Variants in VWA5A observed in about 807,000 individuals in gnomAD.
The protein encoded by VWA5A is von Willebrand factor A domain-containing protein 5A.
VWA5A carries 77 observed loss-of-function variants against 84.6 expected under a neutral mutation model. The observed-to-expected ratio is 0.91, with a 90% CI of 0.76 to 1.10. VWA5A has a LOEUF of 1.10. VWA5A is among the 50% of genes least tolerant of loss of function. The probability of loss-of-function intolerance (pLI) is 0.00; values close to 1 mark genes in which losing one functional copy is unlikely to be tolerated. For synonymous variants in VWA5A, 334 were observed against 350.1 expected (o/e 0.95, Z 0.51); for missense variants, 973 against 963.0 (o/e 1.01, Z -0.14).
chr11:124,123,943 A>T (rs1186789931), intron 10 of VWA5A, 139 bp downstream of exon 10: 2 of 1,267,854 alleles, frequency 1.6e-6, no homozygotes, highest in African/African-American at 3.0e-5. Context: ...AGAAAAAAAA[A>T]AGATGATGCA....
At chr11:124,120,318 G>A (rs1305136305) in intron 7 of VWA5A, among the ~76,000 whole-genome samples, 1 of 152,180 alleles carries the variant, frequency 6.6e-6, no homozygotes, top group Non-Finnish European at 1.5e-5. Context: ...GGGCTGCCAT[G>A]CTTCTGAGTT....
At chr11:124,117,382 C>A in intron 2 of VWA5A, 115 bp from the exon 3 acceptor site, 2 of 1,060,066 alleles carry the variant, frequency 1.9e-6, no homozygotes, top group Non-Finnish European at 2.9e-6. Context: ...AACTTCCTAA[C>A]TCCAACATTA....
chr11:124,137,086 C>A lies in VWA5A; in HGVS notation c.1697C>A (p.Ala566Glu), dbSNP rs1860621427. 1 of 1,613,470 alleles carries A rather than the reference C, an allele frequency of 6.2e-7. No homozygotes were observed. The highest frequency in any genetic ancestry group is 8.5e-7 in the Non-Finnish European group (1 of 1,179,948). ...TKDMGLRETP[A>E]SDKKDALNLS... ...GACATGGGCCTCAGGGAGACTCCAG[C>A]AAGTGATAAAAAAGATGCATTGAAC... is the stretch of plus-strand genomic sequence containing the variant. Residue 566 changes from alanine (A) to glutamate (E), a missense_variant, in exon 15 of 19, where the codon GCA becomes GAA. Physicochemically the swap from Ala to Glu is moderately radical, Grantham distance 107 (BLOSUM62 -1). Coordinates refer to ENST00000456829, the MANE Select transcript of VWA5A (RefSeq NM_001130142.2).
intron 4 of VWA5A, 85 bp from the exon 5 acceptor site, chr11:124,118,104 G>A (rs1234960787): frequency 7.0e-7 from 1 of 1,428,270 alleles, no homozygotes; most frequent in Non-Finnish European, 9.5e-7. Flanking sequence ...CAATCACACA[G>A]TCGCTCTGCA....
intron 12 of VWA5A, among the ~76,000 whole-genome samples, chr11:124,135,522 C>CCTTTTT (rs1330618929): frequency 1.3e-4 from 11 of 84,314 alleles, no homozygotes; most frequent in Non-Finnish European, 2.0e-4. Flanking sequence ...GGTGGTATTT[C>CCTTTTT]TTTTTTTTTT....
chr11:124,117,501 C>T lies in VWA5A; in HGVS notation c.-11C>T. 1 of 1,614,196 alleles carries T rather than the reference C, an allele frequency of 6.2e-7. No individual in the cohort carries two copies. The highest frequency in any genetic ancestry group is 1.3e-5 in the African/African-American group (1 of 75,052). On this transcript the variant is annotated 5_prime_UTR_variant, in exon 3 of 19. Coordinates refer to ENST00000456829, the MANE Select transcript of VWA5A (RefSeq NM_001130142.2). ...TGTGATATGTCTTTTCTGCAGAAAT[C>T]TTGCATCACCATGGTGCACTTCTGT...
chr11:124,142,714 G>A (rs1195246833), intron 17 of VWA5A, 142 bp downstream of exon 17: 3 of 1,124,500 alleles, frequency 2.7e-6, no homozygotes, highest in South Asian at 1.9e-5. Context: ...AGAGGCTGAA[G>A]GTTTTTCCAG....
At chr11:124,145,527 T>A (rs61475401) in intron 18 of VWA5A, among the ~76,000 whole-genome samples, 164 bp downstream of exon 18, 2 of 151,688 alleles carry the variant, frequency 1.3e-5, no homozygotes, top group African/African-American at 2.4e-5. Context: ...AATATTAAAT[T>A]GGGGACAAGG....
intron 7 of VWA5A, among the ~76,000 whole-genome samples, chr11:124,119,623 C>T (rs762433783): frequency 1.3e-5 from 2 of 152,128 alleles, no homozygotes; most frequent in African/African-American, 2.4e-5. Context: ...ACTGAGATGT[C>T]CCCCACCATT....
At position 124,143,139 on chromosome 11, in the gene VWA5A, G is replaced by T. The variant is rs113189761; in HGVS notation, c.2154+567G>T. Among the ~76,000 whole-genome samples the T allele has an allele frequency of 1.1e-3, 163 of 152,258 alleles. 2 individuals carry two copies. Among genetic ancestry groups the T allele is most frequent in the African/African-American group, 3.5e-3 (147 of 41,552 alleles). On this transcript the variant is annotated intron_variant, in intron 17 of 18. Transcript: ENST00000456829. ...TGCTCCTCTTCATACCGATGAAAGT[G>T]GTCCAGACATTGGCAAAAGTTAACT...
Position 124,145,876 on chromosome 11 carries a change from G to T in VWA5A, c.2292G>T (p.Met764Ile), listed in dbSNP as rs756886572. The T allele has an allele frequency of 1.0e-5, 16 of 1,581,158 alleles. No homozygotes were observed. Residue 764 changes from methionine to isoleucine, a missense_variant, in exon 19 of 19, where the codon ATG (methionine) becomes ATT (isoleucine). By Grantham distance (10) the Met-to-Ile change is conservative. Coordinates refer to ENST00000456829, the MANE Select transcript of VWA5A (RefSeq NM_001130142.2). ...AWMRAHAGST[M>I]PSVVKAAITF... ...TTTTCCTCACCACAGGCTCCACCAT[G>T]CCTTCGGTTGTGAAAGCTGCTATTA... is the stretch of plus-strand genomic sequence containing the variant.
At position 124,135,049 on chromosome 11, in the gene VWA5A, G is replaced by T; in HGVS notation, c.1359+15G>T. On this transcript the variant is annotated intron_variant, in intron 12 of 18. Transcript: ENST00000456829. ...TGCAGTCCAAGGTGAGGGACAGACT[G>T]ACTGTGTCTGTCTGGAGGTGGCAAT... is the stretch of plus-strand genomic sequence containing the variant. 6.2e-7 allele frequency: 1 copy of T among 1,605,022 alleles called. No individual in the cohort carries two copies.
intron 11 of VWA5A, among the ~76,000 whole-genome samples, chr11:124,131,749 A>T (rs1015214670): frequency 1.3e-5 from 2 of 151,718 alleles, no homozygotes; most frequent in African/African-American, 4.8e-5. Flanking sequence ...ATTTGCAAAA[A>T]ATATCAGTTT....
chr11:124,142,657 G>A, intron 17 of VWA5A, 85 bp downstream of exon 17: 14 of 1,549,574 alleles, frequency 9.0e-6, no homozygotes, highest in Non-Finnish European at 1.2e-5. Flanking sequence ...ACCTACCTGA[G>A]GAAGGAAAAT....
At chr11:124,121,691 T>C (rs1353405069) in intron 7 of VWA5A, among the ~76,000 whole-genome samples, 1 of 152,176 alleles carries the variant, frequency 6.6e-6, no homozygotes, top group Non-Finnish European at 1.5e-5. Context: ...AATGCCTCAT[T>C]TGAAAACAAA....
At chr11:124,117,365 AG>A in intron 2 of VWA5A, 131 bp from the exon 3 acceptor site, 1 of 862,868 alleles carries the variant, frequency 1.2e-6, no homozygotes, top group South Asian at 1.6e-5. Context: ...TTTTTTTTAA[AG>A]GTTCCAACTT....
rs1198874448 is a variant in VWA5A, at chr11:124,118,239, A to G, written c.297A>G (p.Leu99=). 1 of 1,614,072 alleles carries G rather than the reference A, an allele frequency of 6.2e-7. No individual in the cohort carries two copies. The change falls in exon 5 of 19, where the codon TTA becomes TTG. Residue 99 remains leucine, a synonymous_variant. Coordinates refer to ENST00000456829, the MANE Select transcript of VWA5A (RefSeq NM_001130142.2). ...TCTCCCAGGGCCACCAGGCCTTCTT[A>G]TTGGAGGGGGACAGCAGCTCCAGGG... ...KAISQGHQAF[L]LEGDSSSRDV... is the part of the protein sequence containing the mutation.
chr11:124,129,988 C>T (rs950373226), intron 11 of VWA5A, among the ~76,000 whole-genome samples: 2 of 152,076 alleles, frequency 1.3e-5, no homozygotes, highest in Non-Finnish European at 2.9e-5. Flanking sequence ...TTCAGTTCTG[C>T]CCTGATCTTA....
At chr11:124,141,870 A>G (rs571380377) in intron 16 of VWA5A, 129 bp downstream of exon 16, 14 of 1,283,550 alleles carry the variant, frequency 1.1e-5, no homozygotes, top group East Asian at 7.3e-5. Context: ...CCCCCCATGC[A>G]TTGGAAAAGA....
Sources: gnomAD v4.1 joint callset for allele counts (sites outside exome capture counted in the v4.1 genomes callset) on GRCh38, gnomAD v4.1.1 for gene constraint, MANE v1.5 for transcripts, NCBI Gene and HGNC (gene_info 2026-07-23, HGNC 2026-07-21) for gene names.